F13A1: variants seen among roughly 807,000 people sequenced by gnomAD.
The protein encoded by F13A1 is coagulation factor XIII A chain.
In F13A1, 47 loss-of-function variants were observed where a neutral mutation model predicts 80.1. The ratio of observed to expected loss-of-function variants is 0.59; its 90% confidence interval spans 0.46 to 0.75. The LOEUF (loss-of-function observed/expected upper bound fraction) is 0.75, where lower values mean the gene tolerates loss of function less well. F13A1 is among the 30% of genes least tolerant of loss of function. F13A1 has a pLI of 0.00. For missense variants in F13A1, 817 were observed against 930.4 expected, an observed-to-expected ratio of 0.88 and a Z score of 1.59; for synonymous variants, 349 against 344.9, an observed-to-expected ratio of 1.01 and a Z score of -0.13.
intron 3 of F13A1, among the ~76,000 whole-genome samples, chr6:6,297,612 A>G (rs1210751610): frequency 1.3e-5 from 2 of 148,784 alleles, no homozygotes; most frequent in African/African-American, 2.6e-5. Flanking sequence ...ATCATTTTTT[A>G]TTGTGTCTAT....
chr6:6,297,690 A>G (rs1758352695), intron 3 of F13A1, among the ~76,000 whole-genome samples: 1 of 149,108 alleles, frequency 6.7e-6, no homozygotes, highest in Admixed American at 6.6e-5. Flanking sequence ...GATCCTTTCA[A>G]AAAACCAGCT....
intron 3 of F13A1, among the ~76,000 whole-genome samples, chr6:6,301,218 A>T (rs1272284226): frequency 2.6e-5 from 4 of 152,226 alleles, no homozygotes; most frequent in African/African-American, 9.6e-5. Flanking sequence ...CTGTCTTACA[A>T]CTATGGCAGC....
At chr6:6,305,777 A>G (rs1398237965) in intron 2 of F13A1, 1 of 511,536 alleles carries the variant, frequency 2.0e-6, no homozygotes, top group Non-Finnish European at 3.5e-6. Context: ...TCAGACCACA[A>G]GGCACTCACT....
chr6:6,313,450 C>T (rs1233854333), intron 2 of F13A1, among the ~76,000 whole-genome samples: 2 of 152,098 alleles, frequency 1.3e-5, no homozygotes, highest in African/African-American at 2.4e-5. Flanking sequence ...AACTGCCTCC[C>T]TGTCCTCCTA....
chr6:6,310,925 C>T (rs142581879), intron 2 of F13A1, among the ~76,000 whole-genome samples: 73 of 152,272 alleles, frequency 4.8e-4, no homozygotes, highest in Non-Finnish European at 8.4e-4. Context: ...TTCCAGCCTT[C>T]CCAGGGAAGC....
intron 8 of F13A1, among the ~76,000 whole-genome samples, chr6:6,218,658 T>A (rs1757140650): frequency 6.6e-6 from 1 of 152,090 alleles, no homozygotes; most frequent in Non-Finnish European, 1.5e-5. Flanking sequence ...GCGTCAACAG[T>A]GGGGCCGCTC....
intron 8 of F13A1, among the ~76,000 whole-genome samples, chr6:6,203,407 A>C (rs984869687): frequency 5.9e-5 from 9 of 152,250 alleles, no homozygotes; most frequent in Admixed American, 3.3e-4. Context: ...GTAGATTATC[A>C]GGTGGGTCTG....
At chr6:6,192,586 G>A (rs370223912) in intron 10 of F13A1, among the ~76,000 whole-genome samples, 18 of 152,166 alleles carry the variant, frequency 1.2e-4, no homozygotes, top group African/African-American at 4.3e-4. Flanking sequence ...AAAAAAATAG[G>A]CTGCATCTGA....
At chr6:6,231,025 C>A (rs558559871) in intron 6 of F13A1, among the ~76,000 whole-genome samples, 2 of 152,124 alleles carry the variant, frequency 1.3e-5, no homozygotes, top group Non-Finnish European at 2.9e-5. Flanking sequence ...CTCTTCAACA[C>A]CCCCCAAAAA....
rs201175261 is a variant in F13A1, at chr6:6,269,696, GTTTT to G, written c.320-2891_320-2888del. On this transcript the variant is annotated intron_variant, in intron 3 of 14. Coordinates refer to ENST00000264870, the MANE Select transcript of F13A1 (RefSeq NM_000129.4). ...GCGGGCCAAATGTAGCTTACCTACTGTTTTTTTTTTTGTTTGTTTTATTTTGTTT... is the reference window on the plus strand; with the variant it reads ...GCGGGCCAAATGTAGCTTACCTACTGTTTTTTTGTTTGTTTTATTTTGTTT... Among the ~76,000 whole-genome samples, 262 of 145,822 alleles carry G rather than the reference GTTTT, an allele frequency of 1.8e-3. 1 individual carries two copies. The highest frequency in any genetic ancestry group is 6.1e-3 in the African/African-American group (242 of 39,962).
At chr6:6,272,611 G>A (rs780942237) in intron 3 of F13A1, among the ~76,000 whole-genome samples, 6 of 152,124 alleles carry the variant, frequency 3.9e-5, no homozygotes, top group South Asian at 2.1e-4. Flanking sequence ...GGAAACGAAC[G>A]TAGGAGAGCC....
At position 6,270,160 on chromosome 6, in the gene F13A1, C is replaced by T. The variant is rs1241668265; in HGVS notation, c.320-3351G>A. 3.3e-5 allele frequency among the ~76,000 whole-genome samples: 5 copies of T among 152,202 alleles called. No homozygotes were observed. In the East Asian group the frequency reaches 9.6e-4, roughly 29 times the overall value. ...TGGTCTGCAACGCCTAACACAGTAG[C>T]TGGCCCTTACAGTAAACAATTGCCA... On this transcript the variant is annotated intron_variant, in intron 3 of 14. Coordinates refer to ENST00000264870, the MANE Select transcript of F13A1 (RefSeq NM_000129.4).
In F13A1 at chr6:6,180,819, A is replaced by C. The variant is rs117809117; in HGVS notation, c.1459+1169T>G. Among the ~76,000 whole-genome samples the C allele has an allele frequency of 6.0e-4, 91 of 152,366 alleles. No homozygotes were observed. In the East Asian group the frequency reaches 0.013, roughly 22 times the overall value. ...TCAGCAAGCTTCTTCTTTGTAGTGC[A>C]AATTACTTTTGTAAATAAGAGCAGG... is the stretch of plus-strand genomic sequence containing the variant. On this transcript the variant is annotated intron_variant, in intron 11 of 14. Transcript: ENST00000264870.
At chr6:6,294,011 A>AT (rs971369901) in intron 3 of F13A1, among the ~76,000 whole-genome samples, 2 of 152,224 alleles carry the variant, frequency 1.3e-5, no homozygotes, top group Non-Finnish European at 2.9e-5. Context: ...GTATAAAGTT[A>AT]TTTTTTCTGT....
intron 3 of F13A1, among the ~76,000 whole-genome samples, chr6:6,274,123 G>T (rs2113133399): frequency 6.6e-6 from 1 of 152,280 alleles, no homozygotes; most frequent in South Asian, 2.1e-4. Context: ...GCAAACTTAG[G>T]TAGGGTTGGG....
intron 13 of F13A1, among the ~76,000 whole-genome samples, chr6:6,164,357 G>C (rs1760628258): frequency 6.6e-6 from 1 of 152,104 alleles, no homozygotes; most frequent in South Asian, 2.1e-4. Context: ...TGGGAGGAGG[G>C]AGAGGAGCAG....
intron 8 of F13A1, among the ~76,000 whole-genome samples, chr6:6,216,122 A>G (rs1417692544): frequency 6.6e-6 from 1 of 151,448 alleles, no homozygotes; most frequent in Non-Finnish European, 1.5e-5. Context: ...TACAGATTCA[A>G]TGCCATCCCC....
intron 4 of F13A1, among the ~76,000 whole-genome samples, chr6:6,251,343 C>T (rs3024365): frequency 0.47 from 72,128 of 152,068 alleles, 19,314 homozygotes; most frequent in African/African-American, 0.74. Flanking sequence ...TTGAAAATGA[C>T]TTTTAAAACA....
At chr6:6,266,421 G>A in intron 4 of F13A1, 137 bp downstream of exon 4, 1 of 1,304,482 alleles carries the variant, frequency 7.7e-7, no homozygotes, top group Non-Finnish European at 1.1e-6. Context: ...ATTTTTTAGA[G>A]ACTAGGTCTC....
Sources: gnomAD v4.1 joint callset for allele counts (sites outside exome capture counted in the v4.1 genomes callset) on GRCh38, gnomAD v4.1.1 for gene constraint, MANE v1.5 for transcripts, NCBI Gene and HGNC (gene_info 2026-07-23, HGNC 2026-07-21) for gene names.